The following KIF26B variants were observed in gnomAD, a reference collection of about 807,000 sequenced individuals.
KIF26B encodes the protein kinesin-like protein KIF26B.
KIF26B carries 63 observed loss-of-function variants against 151.2 expected under a neutral mutation model. That is an observed-to-expected ratio of 0.42 (90% CI 0.34 to 0.51). KIF26B has a LOEUF of 0.51. KIF26B is among the 20% of genes least tolerant of loss of function. The pLI is 0.07. For missense variants in KIF26B, 2,813 were observed against 2,913.6 expected (o/e 0.97, Z 0.79); for synonymous variants, 1,357 against 1,262.1 (o/e 1.08, Z -1.59).
At chr1:245,580,118 T>C (rs2043161277) in intron 5 of KIF26B, among the ~76,000 whole-genome samples, 1 of 152,216 alleles carries the variant, frequency 6.6e-6, no homozygotes, top group East Asian at 1.9e-4. Flanking sequence ...TGAGCATAAC[T>C]GCTGTAACAG....
intron 5 of KIF26B, among the ~76,000 whole-genome samples, chr1:245,543,706 T>C (rs1215862692): frequency 6.6e-6 from 1 of 152,238 alleles, no homozygotes; most frequent in East Asian, 1.9e-4. Context: ...TCCAAGCACT[T>C]TGGGAGGCCG....
chr1:245,355,970 GCA>G (rs1672686704), intron 2 of KIF26B, among the ~76,000 whole-genome samples: 1 of 152,122 alleles, frequency 6.6e-6, no homozygotes, highest in Non-Finnish European at 1.5e-5. Context: ...CTCTGTGACA[GCA>G]CACCACACCG....
chr1:245,682,883 C>G (rs1181492709), intron 10 of KIF26B, among the ~76,000 whole-genome samples: 1 of 152,034 alleles, frequency 6.6e-6, no homozygotes, highest in Non-Finnish European at 1.5e-5. Context: ...AGATAACGTT[C>G]TGAAGGAGTT....
At position 245,358,540 on chromosome 1, in the gene KIF26B, A is replaced by G. The variant is rs543104621; in HGVS notation, c.466-8294A>G. ...GTCTCAAAACAAAACAAAACAAAAC[A>G]AAACAGCCAAGTACATTTATGCAGC... On this transcript the variant is annotated intron_variant, in intron 2 of 14. Transcript: ENST00000407071. This position sits in a 1 kb window ranked among gnomAD's most constrained non-coding sequence, Gnocchi z 4.1. Among the ~76,000 whole-genome samples the G allele has an allele frequency of 5.9e-5, 9 of 152,334 alleles. No homozygotes were observed. In the South Asian group the frequency reaches 1.2e-3, roughly 21 times the overall value.
chr1:245,605,487 C>G (rs2043441792), intron 6 of KIF26B, among the ~76,000 whole-genome samples: 1 of 152,228 alleles, frequency 6.6e-6, no homozygotes, highest in Admixed American at 6.5e-5. Context: ...TGAAGCTAAA[C>G]AGTGATTAGA....
chr1:245,494,283 G>A (rs1411493819), intron 4 of KIF26B, among the ~76,000 whole-genome samples: 2 of 149,952 alleles, frequency 1.3e-5, no homozygotes, highest in Non-Finnish European at 3.0e-5. Context: ...TCCACCCTGG[G>A]CAACAAGACC....
intron 4 of KIF26B, among the ~76,000 whole-genome samples, chr1:245,520,611 CCCATCCATCCATCCATCCAT>C (rs1210147249): frequency 1.3e-5 from 1 of 78,682 alleles, no homozygotes; most frequent in South Asian, 5.1e-4. Flanking sequence ...CACCCACCCA[CCCATCCATCCATCCATCCAT>C]CCATCCATCC....
At chr1:245,566,392 C>T (rs962651339) in intron 5 of KIF26B, among the ~76,000 whole-genome samples, 1 of 152,226 alleles carries the variant, frequency 6.6e-6, no homozygotes, top group African/African-American at 2.4e-5. Flanking sequence ...ACGGATTTTG[C>T]ATTCCTTCAG....
At chr1:245,481,493 G>A (rs369499171) in intron 4 of KIF26B, among the ~76,000 whole-genome samples, 3 of 151,984 alleles carry the variant, frequency 2.0e-5, no homozygotes, top group South Asian at 2.1e-4. Flanking sequence ...CATTAAACAA[G>A]GAAACTCGAT....
At chr1:245,171,389 A>T (rs1038982047) in intron 2 of KIF26B, among the ~76,000 whole-genome samples, 2 of 152,210 alleles carry the variant, frequency 1.3e-5, no homozygotes, top group African/African-American at 4.8e-5. Flanking sequence ...TAAAAATACA[A>T]AAAAGTTAGC....
At position 245,352,426 on chromosome 1, in the gene KIF26B, G is replaced by C. The variant is rs1672587197; in HGVS notation, c.466-14408G>C. ...TTACAGGCACCCACCACCACACCTGGCTAATTTTTGTATTTTCAGTAGAGA... is the reference window on the plus strand; with the variant it reads ...TTACAGGCACCCACCACCACACCTGCCTAATTTTTGTATTTTCAGTAGAGA... On this transcript the variant is annotated intron_variant, in intron 2 of 14. Transcript: ENST00000407071. The surrounding 1 kb of genome is among the most constrained non-coding windows in gnomAD (Gnocchi z 5.0). Among the ~76,000 whole-genome samples, 1 of 152,116 alleles carries C rather than the reference G, an allele frequency of 6.6e-6. No homozygotes were observed. Among genetic ancestry groups the C allele is most frequent in the Non-Finnish European group, 1.5e-5 (1 of 68,034 alleles).
intron 9 of KIF26B, among the ~76,000 whole-genome samples, chr1:245,620,954 T>C (rs1182027827): frequency 2.6e-5 from 4 of 152,146 alleles, no homozygotes; most frequent in Admixed American, 2.6e-4. Flanking sequence ...CTCAGCGTGC[T>C]GTGGGCGTCA....
At chr1:245,297,091 C>T (rs1054094010) in intron 2 of KIF26B, among the ~76,000 whole-genome samples, 1 of 120,774 alleles carries the variant, frequency 8.3e-6, no homozygotes, top group African/African-American at 3.5e-5. Context: ...GCCTGTAATC[C>T]CAACACTTTG....
intron 10 of KIF26B, among the ~76,000 whole-genome samples, chr1:245,659,100 T>C (rs539548428): frequency 4.6e-5 from 7 of 152,210 alleles, no homozygotes; most frequent in African/African-American, 1.2e-4. Flanking sequence ...TAGCCATGCA[T>C]AGTGGCGTGT....
At chr1:245,168,853 A>G (rs1268799278) in intron 2 of KIF26B, among the ~76,000 whole-genome samples, 3 of 152,174 alleles carry the variant, frequency 2.0e-5, no homozygotes, top group Non-Finnish European at 4.4e-5. Flanking sequence ...CTGCCCGCTG[A>G]GTCAACGAGG....
At chr1:245,253,048 C>T (rs374109787) in intron 2 of KIF26B, among the ~76,000 whole-genome samples, 8 of 133,388 alleles carry the variant, frequency 6.0e-5, no homozygotes, top group East Asian at 2.1e-4. Flanking sequence ...CTTGCTGTGT[C>T]GCTCAGGCTG....
chr1:245,490,632 G>T (rs184290161), intron 4 of KIF26B, among the ~76,000 whole-genome samples: 140 of 152,156 alleles, frequency 9.2e-4, no homozygotes, highest in Admixed American at 1.5e-3. Flanking sequence ...TTTTTATTAT[G>T]CAGTCCATGT....
Position 245,368,616 on chromosome 1 carries a change from A to G in KIF26B, c.999+1249A>G, listed in dbSNP as rs897719169. On this transcript the variant is annotated intron_variant, in intron 3 of 14. Coordinates refer to ENST00000407071, the MANE Select transcript of KIF26B (RefSeq NM_018012.4). ...GTTATTTCTCACTTGGGTCTGTCATAGGGGGTGTTTGGTAGGTGGCCTTCC... is the reference window on the plus strand; with the variant it reads ...GTTATTTCTCACTTGGGTCTGTCATGGGGGGTGTTTGGTAGGTGGCCTTCC... Among the ~76,000 whole-genome samples the G allele has an allele frequency of 3.3e-5, 5 of 151,394 alleles. 1 individual carries two copies. In the East Asian group the frequency reaches 9.7e-4, roughly 29 times the overall value.
chr1:245,471,123 G>GTATATATATATATATATATATATATATA (rs200717016), intron 4 of KIF26B, among the ~76,000 whole-genome samples: 19 of 139,670 alleles, frequency 1.4e-4, no homozygotes, highest in African/African-American at 4.5e-4. Flanking sequence ...GTATGTGTGT[G>GTATATATATATATATATATATATATATA]TGTGTGTGTA....
Sources: allele counts gnomAD v4.1 joint callset (sites outside exome capture counted in the v4.1 genomes callset), GRCh38; gene constraint gnomAD v4.1.1; non-coding constraint Gnocchi (gnomAD v3.1); transcripts MANE v1.5; gene names NCBI Gene and HGNC (gene_info 2026-07-23, HGNC 2026-07-21).